GALNT13: variants seen among roughly 807,000 people sequenced by gnomAD.
GALNT13 encodes UDP-GalNAc:polypeptide N-acetylgalactosaminyltransferase 13.
In GALNT13, 28 loss-of-function variants were observed where a neutral mutation model predicts 64.2. That is an observed-to-expected ratio of 0.44 (90% CI 0.32 to 0.60). GALNT13 has a LOEUF of 0.60. GALNT13 is among the 20% of genes least tolerant of loss of function. GALNT13 has a pLI of 0.05. For synonymous variants in GALNT13, 214 were observed against 224.6 expected (o/e 0.95, Z 0.42); for missense variants, 577 against 669.8 (o/e 0.86, Z 1.53).
intron 3 of GALNT13, among the ~76,000 whole-genome samples, chr2:154,088,276 A>AG (rs1209911627): frequency 6.6e-6 from 1 of 152,106 alleles, no homozygotes; most frequent in Non-Finnish European, 1.5e-5. Flanking sequence ...GAAGAAAAAA[A>AG]CTATCCTGTA....
the GALNT13 span, among the ~76,000 whole-genome samples, chr2:153,169,276 G>C: frequency 2.6e-5 from 4 of 152,298 alleles, no homozygotes; most frequent in East Asian, 7.7e-4. Flanking sequence ...AAAACTGGTA[G>C]AGTGTCAAAA....
chr2:153,190,701 A>C, the GALNT13 span, among the ~76,000 whole-genome samples: 4 of 152,038 alleles, frequency 2.6e-5, no homozygotes, highest in Non-Finnish European at 4.4e-5. Context: ...TAATTCTCTC[A>C]ATCTATGAGC....
chr2:153,952,910 C>T (rs755932507), intron 3 of GALNT13, among the ~76,000 whole-genome samples: 1 of 152,132 alleles, frequency 6.6e-6, no homozygotes, highest in Admixed American at 6.5e-5. Context: ...AGGGAGCATC[C>T]ATCACGGAAG....
intron 10 of GALNT13, among the ~76,000 whole-genome samples, chr2:154,399,903 G>A (rs563114212): frequency 2.0e-5 from 3 of 152,180 alleles, no homozygotes; most frequent in Admixed American, 1.3e-4. Context: ...ATGGTATAAC[G>A]GCTGTTTAAA....
At chr2:153,278,939 C>T in the GALNT13 span, among the ~76,000 whole-genome samples, 1 of 152,140 alleles carries the variant, frequency 6.6e-6, no homozygotes, top group Admixed American at 6.5e-5. Context: ...CTGCAGGTTA[C>T]TTTGGGCAAT....
intron 2 of GALNT13, among the ~76,000 whole-genome samples, chr2:153,910,529 G>A (rs1688865997): frequency 6.6e-6 from 1 of 152,042 alleles, no homozygotes; most frequent in African/African-American, 2.4e-5. Context: ...GTGATGGTGG[G>A]TTGTTAATTT....
chr2:153,346,440 C>T, the GALNT13 span, among the ~76,000 whole-genome samples: 37 of 152,124 alleles, frequency 2.4e-4, 1 homozygote, highest in Admixed American at 2.4e-3. Context: ...ACTGACAGTC[C>T]TTTGAGGTCG....
At chr2:154,298,217 C>A (rs538753600) in intron 8 of GALNT13, among the ~76,000 whole-genome samples, 1 of 151,084 alleles carries the variant, frequency 6.6e-6, no homozygotes, top group East Asian at 1.9e-4. Context: ...AAACAGTCAA[C>A]AAGATAATAA....
the GALNT13 span, among the ~76,000 whole-genome samples, chr2:153,629,367 T>C: frequency 7.2e-5 from 11 of 151,810 alleles, no homozygotes; most frequent in African/African-American, 2.7e-4. Flanking sequence ...ATCTGATCTT[T>C]GACAAACCTG....
the GALNT13 span, among the ~76,000 whole-genome samples, chr2:153,392,841 T>A: frequency 9.9e-5 from 15 of 152,080 alleles, no homozygotes; most frequent in African/African-American, 3.6e-4. Context: ...AGGTAGAGCT[T>A]CAGGAGGTAA....
In GALNT13 at chr2:154,145,076, CTA is replaced by C. The variant is rs1558984444; in HGVS notation, c.311+4573_311+4574del. Among the ~76,000 whole-genome samples, 536 of 101,562 alleles carry C rather than the reference CTA, an allele frequency of 5.3e-3. 4 individuals carry two copies. The highest frequency in any genetic ancestry group is 0.03 in the South Asian group (82 of 2,702). The allele number at this position is 101,562 out of a possible 152,430, so 66.6% of individuals were successfully genotyped here. The stretch of plus-strand genomic sequence containing the variant: ...TCTCTCTCTCTCTCTCTCTCTCTAT[CTA>C]TCTATCTATCTATCTATCTATCTAT... On this transcript the variant is annotated intron_variant, in intron 4 of 12. Coordinates refer to ENST00000392825, the MANE Select transcript of GALNT13 (RefSeq NM_052917.4).
intron 2 of GALNT13, among the ~76,000 whole-genome samples, chr2:153,938,681 T>C (rs1209236013): frequency 2.6e-5 from 4 of 152,192 alleles, no homozygotes; most frequent in African/African-American, 9.6e-5. Context: ...GCAGTGTTGA[T>C]TTTATTCTGA....
chr2:153,611,343 C>T, the GALNT13 span, among the ~76,000 whole-genome samples: 1 of 152,098 alleles, frequency 6.6e-6, no homozygotes, highest in Non-Finnish European at 1.5e-5. Flanking sequence ...CTCCAGGCCC[C>T]TGCCCCCCCG....
chr2:154,086,467 A>G (rs1701532771), intron 3 of GALNT13, among the ~76,000 whole-genome samples: 1 of 149,110 alleles, frequency 6.7e-6, no homozygotes, highest in Non-Finnish European at 1.5e-5. Flanking sequence ...TATTATTTAT[A>G]TAAATCTTAA....
the GALNT13 span, among the ~76,000 whole-genome samples, chr2:153,404,192 T>G: frequency 6.6e-6 from 1 of 152,154 alleles, no homozygotes; most frequent in Admixed American, 6.5e-5. Context: ...AGTTCAGGGT[T>G]TTTGAGAGAG....
chr2:153,425,554 T>C, the GALNT13 span, among the ~76,000 whole-genome samples: 1 of 151,812 alleles, frequency 6.6e-6, no homozygotes, highest in Non-Finnish European at 1.5e-5. Flanking sequence ...AATGTTTACT[T>C]ATGAAATCTT....
rs1695218049 is a variant in GALNT13, at chr2:153,992,374, GAAAAT to G, written c.142+47745_142+47749del. 3.3e-5 allele frequency among the ~76,000 whole-genome samples: 5 copies of G among 152,132 alleles called. No homozygotes were observed. In the South Asian group the frequency reaches 1.0e-3, roughly 31 times the overall value. On this transcript the variant is annotated intron_variant, in intron 3 of 12. Coordinates refer to ENST00000392825, the MANE Select transcript of GALNT13 (RefSeq NM_052917.4). ...GTTCAGATACAAACTGTGCTTTGAT[GAAAAT>G]AAAATAAAAGTGAATGTTAGGAATC...
chr2:153,878,021 T>A (rs779456807), intron 1 of GALNT13, among the ~76,000 whole-genome samples: 1 of 152,194 alleles, frequency 6.6e-6, no homozygotes, highest in Non-Finnish European at 1.5e-5. Flanking sequence ...TTATTCTGCC[T>A]TGAAGCCAAT....
chr2:153,620,438 A>G, the GALNT13 span, among the ~76,000 whole-genome samples: 1 of 151,806 alleles, frequency 6.6e-6, no homozygotes, highest in South Asian at 2.1e-4. Context: ...AGGCATTCTT[A>G]ATTGCTTTTT....
Sources: allele counts gnomAD v4.1 joint callset (sites outside exome capture counted in the v4.1 genomes callset), GRCh38; gene constraint gnomAD v4.1.1; transcripts MANE v1.5; gene names NCBI Gene and HGNC (gene_info 2026-07-23, HGNC 2026-07-21).